Variants in CEMIP2 observed in about 807,000 individuals in gnomAD.
The protein encoded by CEMIP2 is cell migration inducing hyaluronidase 2, also known as cell surface hyaluronidase CEMIP2.
Under a neutral mutation model 146.9 loss-of-function variants are expected in CEMIP2, and 79 were observed. The ratio of observed to expected loss-of-function variants is 0.54; its 90% CI spans 0.45 to 0.65. CEMIP2 has a LOEUF of 0.65. Among genes scored for constraint, CEMIP2 ranks in the 30% least tolerant of loss-of-function variants. The pLI, the probability that CEMIP2 is intolerant of heterozygous loss-of-function variation, is 0.00. For synonymous variants in CEMIP2, 601 were observed against 606.3 expected (o/e 0.99, Z 0.13); for missense variants, 1,596 against 1,696.2 (o/e 0.94, Z 1.04).
rs1564012499 is a variant in CEMIP2, at chr9:71,728,282, T to TATATATACATATATATAC, written c.2049+1562_2049+1563insGTATATATATGTATATAT. Among the ~76,000 whole-genome samples the TATATATACATATATATAC allele has an allele frequency of 3.0e-4, 3 of 10,112 alleles. 1 individual carries two copies. The highest frequency in any genetic ancestry group is 5.9e-4 in the African/African-American group (3 of 5,118). The allele number at this position is 10,112 out of a possible 152,430, so 6.6% of individuals were successfully genotyped here. ...ACACGTATATATATATATATATATG[T>TATATATACATATATATAC]ATATATATATATATATATACATATA... On this transcript the variant is annotated intron_variant, in intron 10 of 23. Coordinates refer to ENST00000377044, the MANE Select transcript of CEMIP2 (RefSeq NM_013390.3).
At chr9:71,765,432 G>A (rs111559924) in intron 1 of CEMIP2, among the ~76,000 whole-genome samples, 1 of 152,162 alleles carries the variant, frequency 6.6e-6, no homozygotes, top group Middle Eastern at 3.4e-3. Flanking sequence ...TCCTTTTTCA[G>A]GTGAAGAAAC....
At chr9:71,734,208 G>GGTTTT (rs374206725) in intron 6 of CEMIP2, among the ~76,000 whole-genome samples, 15 of 144,238 alleles carry the variant, frequency 1.0e-4, no homozygotes, top group South Asian at 2.6e-4. Flanking sequence ...ATGAGTTTTT[G>GGTTTT]TTTTTGTTTT....
In CEMIP2 at chr9:71,765,002, G is replaced by A. The variant is rs148440767; in HGVS notation, c.-13+3355C>T. ...CTAGCTTGGCTTGGGAGGCAGAGGG[G>A]AGAATGGATGTTACCGTACAAAACC... On this transcript the variant is annotated intron_variant, in intron 1 of 23. Transcript: ENST00000377044. Among the ~76,000 whole-genome samples, 344 of 152,086 alleles carry A rather than the reference G, an allele frequency of 2.3e-3. 1 individual carries two copies. The highest frequency in any genetic ancestry group is 6.8e-3 in the Middle Eastern group (2 of 294).
At chr9:71,735,223 C>T (rs893337693) in intron 5 of CEMIP2, among the ~76,000 whole-genome samples, 2 of 151,966 alleles carry the variant, frequency 1.3e-5, no homozygotes, top group African/African-American at 2.4e-5. Flanking sequence ...GTACCTCTAG[C>T]CATGAAGGAA....
chr9:71,758,563 T>C (rs1389588979), intron 1 of CEMIP2, among the ~76,000 whole-genome samples: 2 of 152,108 alleles, frequency 1.3e-5, no homozygotes. Flanking sequence ...GGTGGTCTTG[T>C]TATGTAGATG....
At chr9:71,743,831 T>C (rs1823993645) in intron 4 of CEMIP2, among the ~76,000 whole-genome samples, 1 of 152,202 alleles carries the variant, frequency 6.6e-6, no homozygotes. Context: ...TTTTTTGTCT[T>C]TCTAGCCTGT....
intron 12 of CEMIP2, among the ~76,000 whole-genome samples, chr9:71,721,360 A>AT (rs1466146179): frequency 1.3e-5 from 2 of 151,632 alleles, no homozygotes; most frequent in Non-Finnish European, 1.5e-5. Flanking sequence ...TATCTCTTCT[A>AT]TTTTTTCACT....
chr9:71,754,754 C>G (rs1824371573), intron 1 of CEMIP2, among the ~76,000 whole-genome samples: 1 of 152,030 alleles, frequency 6.6e-6, no homozygotes. Context: ...AAAGTAGTAG[C>G]CCAAAAGGCT....
intron 1 of CEMIP2, among the ~76,000 whole-genome samples, chr9:71,751,036 AG>A (rs1824237327): frequency 1.3e-5 from 2 of 152,322 alleles, no homozygotes; most frequent in South Asian, 4.1e-4. Context: ...CGTGAGCCCC[AG>A]TATCCAGCTG....
chr9:71,692,038 G>A (rs1822242960), intron 21 of CEMIP2, among the ~76,000 whole-genome samples: 1 of 151,790 alleles, frequency 6.6e-6, no homozygotes, highest in Admixed American at 6.6e-5. Flanking sequence ...GAACCCAGAA[G>A]GCAGAGGTTG....
At chr9:71,745,937 C>T (rs1194777679) in intron 3 of CEMIP2, among the ~76,000 whole-genome samples, 2 of 152,168 alleles carry the variant, frequency 1.3e-5, no homozygotes, top group Non-Finnish European at 2.9e-5. Context: ...GAGAGATCAC[C>T]TCTCTGGAAC....
chr9:71,692,365 ATCTCTCTCTC>A (rs10683725), intron 21 of CEMIP2, among the ~76,000 whole-genome samples: 3 of 90,508 alleles, frequency 3.3e-5, no homozygotes, highest in African/African-American at 1.4e-4. Context: ...TCTACCCCCC[ATCTCTCTCTC>A]TCTCTCTCTC....
intron 1 of CEMIP2, among the ~76,000 whole-genome samples, chr9:71,761,386 G>A (rs1824631588): frequency 6.6e-6 from 1 of 152,220 alleles, no homozygotes; most frequent in South Asian, 2.1e-4. Flanking sequence ...GTGATGTACA[G>A]ATACCAAAAT....
chr9:71,702,846 A>C (rs1302924342), intron 18 of CEMIP2, among the ~76,000 whole-genome samples: 1 of 152,118 alleles, frequency 6.6e-6, no homozygotes, highest in East Asian at 1.9e-4. Flanking sequence ...TTTCACTTTA[A>C]AATGTCTTTA....
At chr9:71,692,328 C>T (rs1475872620) in intron 21 of CEMIP2, among the ~76,000 whole-genome samples, 2 of 119,542 alleles carry the variant, frequency 1.7e-5, no homozygotes, top group Admixed American at 8.4e-5. Flanking sequence ...TGGCAAAACG[C>T]TCTCCCCATC....
intron 20 of CEMIP2, among the ~76,000 whole-genome samples, chr9:71,696,008 G>A (rs761559255): frequency 3.9e-5 from 6 of 151,990 alleles, no homozygotes; most frequent in African/African-American, 9.7e-5. Flanking sequence ...TGTTCCCAGC[G>A]ACTTCAACTA....
intron 11 of CEMIP2, among the ~76,000 whole-genome samples, chr9:71,725,163 T>C (rs1172290619): frequency 6.6e-6 from 1 of 152,242 alleles, no homozygotes; most frequent in Non-Finnish European, 1.5e-5. Flanking sequence ...ATTTCTCAGC[T>C]ATAATCTACT....
chr9:71,703,179 A>G (rs989854362), intron 18 of CEMIP2, among the ~76,000 whole-genome samples: 2 of 152,188 alleles, frequency 1.3e-5, no homozygotes, highest in Admixed American at 6.5e-5. Flanking sequence ...ACTTAGCCAC[A>G]AACACTGTGG....
chr9:71,730,977 T>C (rs1419898129), intron 7 of CEMIP2, 63 bp from the exon 8 acceptor site: 9 of 1,347,510 alleles, frequency 6.7e-6, no homozygotes, highest in African/African-American at 2.9e-5. Flanking sequence ...GCAAAAAATA[T>C]TGTTCTAGTA....
Sources: allele counts gnomAD v4.1 joint callset (sites outside exome capture counted in the v4.1 genomes callset), GRCh38; gene constraint gnomAD v4.1.1; transcripts MANE v1.5; gene names NCBI Gene and HGNC (gene_info 2026-07-23, HGNC 2026-07-21).